GPC5: variants seen among roughly 807,000 people sequenced by gnomAD.
The protein encoded by GPC5 is glypican 5.
GPC5 carries 47 observed loss-of-function variants against 53.9 expected under a neutral mutation model. That is an observed-to-expected ratio of 0.87 (90% CI 0.69 to 1.11). GPC5 has a LOEUF of 1.11. GPC5 is among the 50% of genes most tolerant of loss of function. The pLI, the probability that GPC5 is intolerant of heterozygous loss-of-function variation, is 0.00. For missense variants in GPC5, 748 were observed against 713.1 expected (o/e 1.05, Z -0.56); for synonymous variants, 286 against 263.3 (o/e 1.09, Z -0.84).
intron 2 of GPC5, among the ~76,000 whole-genome samples, chr13:91,569,694 C>A (rs2031696452): frequency 6.6e-6 from 1 of 152,096 alleles, no homozygotes; most frequent in African/African-American, 2.4e-5. Context: ...GAGGTGAGGC[C>A]TGTTGGGAAG....
At chr13:92,366,321 G>T (rs2043607203) in intron 7 of GPC5, among the ~76,000 whole-genome samples, 1 of 151,710 alleles carries the variant, frequency 6.6e-6, no homozygotes, top group African/African-American at 2.4e-5. Context: ...TTCTGGTCTT[G>T]CCCGGTTCTC....
intron 5 of GPC5, among the ~76,000 whole-genome samples, chr13:91,829,186 T>G (rs2038618886): frequency 6.6e-6 from 1 of 152,068 alleles, no homozygotes; most frequent in Non-Finnish European, 1.5e-5. Flanking sequence ...CAAAAGGACA[T>G]AAACTCCTCT....
chr13:91,832,299 T>C (rs1315936644), intron 5 of GPC5, among the ~76,000 whole-genome samples: 1 of 115,040 alleles, frequency 8.7e-6, no homozygotes, highest in Non-Finnish European at 1.9e-5. Context: ...TGCTTTTTTC[T>C]CTTTTTTTTT....
chr13:91,837,397 C>T (rs1255138866), intron 5 of GPC5, among the ~76,000 whole-genome samples: 1 of 152,038 alleles, frequency 6.6e-6, no homozygotes, highest in South Asian at 2.1e-4. Context: ...AGATGATGCT[C>T]ATCCAGAGAC....
chr13:92,416,883 C>T (rs1036063469), intron 7 of GPC5, among the ~76,000 whole-genome samples: 6 of 151,952 alleles, frequency 3.9e-5, no homozygotes, highest in Non-Finnish European at 7.4e-5. Context: ...TAGAAAATAA[C>T]CCATTTAAAA....
chr13:92,113,469 T>A lies in GPC5; in HGVS notation c.1402-31361T>A, dbSNP rs574260864. 8.0e-4 allele frequency among the ~76,000 whole-genome samples: 122 copies of A among 152,308 alleles called. 1 individual carries two copies. In the Middle Eastern group the frequency reaches 0.031, roughly 38 times the overall value. On this transcript the variant is annotated intron_variant, in intron 6 of 7. Coordinates refer to ENST00000377067, the MANE Select transcript of GPC5 (RefSeq NM_004466.6). ...ACTAAGCATGTTTCAGGCTTGACTT[T>A]CCTCTGTCAGTCAATTAGTCTGACT...
intron 6 of GPC5, among the ~76,000 whole-genome samples, chr13:92,141,392 G>A (rs142551021): frequency 3.7e-3 from 559 of 152,150 alleles, no homozygotes; most frequent in Non-Finnish European, 6.1e-3. Context: ...TCAGAGACTT[G>A]GAAATATAGT....
At chr13:92,259,532 T>C (rs1290682702) in intron 7 of GPC5, among the ~76,000 whole-genome samples, 1 of 152,154 alleles carries the variant, frequency 6.6e-6, no homozygotes, top group African/African-American at 2.4e-5. Flanking sequence ...ACAGATTTGA[T>C]TCTTTGAATA....
chr13:92,632,614 G>A (rs1372891235), intron 7 of GPC5, among the ~76,000 whole-genome samples: 1 of 151,778 alleles, frequency 6.6e-6, no homozygotes, highest in East Asian at 1.9e-4. Flanking sequence ...TACTAGGACT[G>A]TAAACTGTAT....
intron 7 of GPC5, among the ~76,000 whole-genome samples, chr13:92,486,441 A>G (rs1879557460): frequency 6.6e-6 from 1 of 152,200 alleles, no homozygotes; most frequent in African/African-American, 2.4e-5. Flanking sequence ...CTTGCTTCCT[A>G]AAGTGTGATG....
intron 2 of GPC5, among the ~76,000 whole-genome samples, chr13:91,517,236 G>T (rs1361187647): frequency 6.6e-6 from 1 of 152,068 alleles, no homozygotes; most frequent in East Asian, 1.9e-4. Flanking sequence ...AAACTTTTAT[G>T]CTCTGCTTTC....
At chr13:92,256,599 T>C (rs1238460111) in intron 7 of GPC5, among the ~76,000 whole-genome samples, 5 of 152,072 alleles carry the variant, frequency 3.3e-5, no homozygotes, top group African/African-American at 1.2e-4. Flanking sequence ...ACTTCCAAAA[T>C]ATAACATGCA....
chr13:91,531,444 A>G (rs908556280), intron 2 of GPC5, among the ~76,000 whole-genome samples: 13 of 152,178 alleles, frequency 8.5e-5, no homozygotes, highest in Non-Finnish European at 1.9e-4. Flanking sequence ...CGGCTGTTAG[A>G]TAAAATCCCT....
At chr13:92,206,236 G>T (rs1327823037) in intron 7 of GPC5, among the ~76,000 whole-genome samples, 1 of 147,048 alleles carries the variant, frequency 6.8e-6, no homozygotes, top group Non-Finnish European at 1.5e-5. Flanking sequence ...CGCAATCTCG[G>T]CTCACTGCAA....
At chr13:91,680,220 G>T (rs1015124431) in intron 2 of GPC5, among the ~76,000 whole-genome samples, 1 of 152,186 alleles carries the variant, frequency 6.6e-6, no homozygotes, top group Non-Finnish European at 1.5e-5. Flanking sequence ...GGAGGCCGAG[G>T]GGGGCAGATC....
At chr13:92,619,145 C>T (rs1234982476) in intron 7 of GPC5, among the ~76,000 whole-genome samples, 1 of 151,734 alleles carries the variant, frequency 6.6e-6, no homozygotes, top group Non-Finnish European at 1.5e-5. Context: ...TTGTGTTTTA[C>T]CATATCAATA....
intron 7 of GPC5, among the ~76,000 whole-genome samples, chr13:92,825,272 A>G (rs1049592612): frequency 2.0e-5 from 3 of 152,150 alleles, no homozygotes; most frequent in African/African-American, 7.2e-5. Flanking sequence ...TTCATAATTT[A>G]TGGTGCATAT....
rs368906533 is a variant in GPC5, at chr13:92,775,530, A to G, written c.1562-90752A>G. Among the ~76,000 whole-genome samples the G allele has an allele frequency of 7.1e-4, 108 of 152,302 alleles. No homozygotes were observed. The South Asian group carries it at 0.021, about 30-fold the overall frequency. ...TTATGCTTTTTTTAAAGGTAACACTAGAACTCAAATTCAGGCTAGAATCCA... is the reference window on the plus strand; with the variant it reads ...TTATGCTTTTTTTAAAGGTAACACTGGAACTCAAATTCAGGCTAGAATCCA... On this transcript the variant is annotated intron_variant, in intron 7 of 7. Transcript: ENST00000377067.
intron 7 of GPC5, among the ~76,000 whole-genome samples, chr13:92,476,843 A>G (rs1378165317): frequency 7.3e-6 from 1 of 137,358 alleles, no homozygotes; most frequent in Non-Finnish European, 1.5e-5. Context: ...GAATTGAACA[A>G]TGAGAACACA....
Sources: allele counts gnomAD v4.1 joint callset (sites outside exome capture counted in the v4.1 genomes callset), GRCh38; gene constraint gnomAD v4.1.1; transcripts MANE v1.5; gene names NCBI Gene and HGNC (gene_info 2026-07-23, HGNC 2026-07-21).